Variants in RGP1 observed in about 807,000 individuals in gnomAD.
RGP1 encodes RGP1 partner of RAB6A GEF complex.
Under a neutral mutation model 44.5 loss-of-function variants are expected in RGP1, and 28 were observed. That is an observed-to-expected ratio of 0.63 (90% confidence interval 0.47 to 0.86). RGP1 has a LOEUF of 0.86. Ranked by LOEUF, RGP1 falls within the 40% of genes least tolerant of loss-of-function variation. The pLI, the probability that RGP1 is intolerant of heterozygous loss-of-function variation, is 0.00. For missense variants in RGP1, 417 were observed against 490.7 expected (o/e 0.85, Z 1.42); for synonymous variants, 212 against 196.7 (o/e 1.08, Z -0.65).
the RGP1 span, among the ~76,000 whole-genome samples, chr9:35,784,157 T>G: frequency 6.6e-6 from 1 of 152,232 alleles, no homozygotes; most frequent in Non-Finnish European, 1.5e-5. Flanking sequence ...ATTGAATTGT[T>G]GAGTTCCTTA....
chr9:35,751,381 C>A lies in RGP1; in HGVS notation c.603C>A (p.Arg201=). ...DSWLAELAGE[R]LMAATSCRSL... is the part of the protein sequence containing the mutation. The stretch of plus-strand genomic sequence containing the variant: ...GGCTAGCTGAGCTGGCTGGGGAACG[C>A]CTAATGGCTGCCACATCCTGCCGCA... Residue 201 remains arginine, a synonymous_variant, in exon 6 of 9, where the codon CGC becomes CGA. Coordinates refer to ENST00000378078, the MANE Select transcript of RGP1 (RefSeq NM_001080496.3). 1.2e-6 allele frequency: 2 copies of A among 1,613,958 alleles called. No individual in the cohort carries two copies. The highest frequency in any genetic ancestry group is 1.7e-6 in the Non-Finnish European group (2 of 1,179,878).
chr9:35,788,581 A>AAAAAAAG, the RGP1 span, among the ~76,000 whole-genome samples: 3 of 151,460 alleles, frequency 2.0e-5, no homozygotes, highest in East Asian at 1.9e-4. Flanking sequence ...AAGAAAAAAA[A>AAAAAAAG]AAAAAGAAAA....
Position 35,754,062 on chromosome 9 carries a change from A to C in RGP1, c.*1188A>C. On this transcript the variant is annotated 3_prime_UTR_variant, in exon 9 of 9. Transcript: ENST00000378078. ...GTGCTGGAGGAGTAGAGACATCACC[A>C]AGCAGATGATCCCCCAGCCTCCTAG... 6.2e-7 allele frequency: 1 copy of C among 1,613,780 alleles called. No individual in the cohort carries two copies. Among genetic ancestry groups the C allele is most frequent in the Admixed American group, 1.7e-5 (1 of 59,980 alleles).
chr9:35,753,620 A>G lies in RGP1; in HGVS notation c.*746A>G. 1.3e-6 allele frequency: 2 copies of G among 1,503,898 alleles called. No individual in the cohort carries two copies. The highest frequency in any genetic ancestry group is 1.8e-6 in the Non-Finnish European group (2 of 1,083,592). The allele number at this position is 1,503,898 out of a possible 1,614,324, so 93.2% of individuals were successfully genotyped here. Reference sequence around the variant, plus strand: ...CTCCCTGGTCATCCCTCAGTCACTCATATCAGAGTCATTCTCTCTGGCCAT... The same window carrying G: ...CTCCCTGGTCATCCCTCAGTCACTCGTATCAGAGTCATTCTCTCTGGCCAT... On this transcript the variant is annotated 3_prime_UTR_variant, in exon 9 of 9. Transcript: ENST00000378078. The surrounding 1 kb of genome is among the most constrained non-coding windows in gnomAD (Gnocchi z 4.2).
the RGP1 span, among the ~76,000 whole-genome samples, chr9:35,786,257 A>G: frequency 1.3e-5 from 2 of 152,324 alleles, no homozygotes; most frequent in South Asian, 2.1e-4. Flanking sequence ...CCCTCTTGCC[A>G]CTTGCCTCTT....
downstream of RGP1, among the ~76,000 whole-genome samples, chr9:35,761,666 C>T (rs1827417565): frequency 6.6e-6 from 1 of 151,754 alleles, no homozygotes; most frequent in African/African-American, 2.4e-5. Context: ...AGAGCAAGAC[C>T]CTGTCTCAAA....
At chr9:35,752,271 G>A (rs1412414721) in intron 8 of RGP1, 126 bp downstream of exon 8, 20 of 971,234 alleles carry the variant, frequency 2.1e-5, no homozygotes, top group South Asian at 1.8e-4. Flanking sequence ...CCTCTGACCC[G>A]GAACAGTTTC....
the RGP1 span, among the ~76,000 whole-genome samples, chr9:35,782,528 T>C: frequency 6.5e-3 from 986 of 151,584 alleles, 17 homozygotes; most frequent in African/African-American, 0.022. Context: ...CTCACTGCAA[T>C]CTCCGCCTCC....
chr9:35,768,559 T>C, the RGP1 span, among the ~76,000 whole-genome samples: 1 of 152,126 alleles, frequency 6.6e-6, no homozygotes, highest in East Asian at 1.9e-4. Flanking sequence ...CAGGGGAAGA[T>C]GGTGCAATTT....
intron 7 of RGP1, 88 bp downstream of exon 7, chr9:35,751,842 A>G (rs1249067901): frequency 1.3e-6 from 2 of 1,592,768 alleles, no homozygotes; most frequent in African/African-American, 1.3e-5. Flanking sequence ...GGTGGCATGT[A>G]GAAGGGGATA....
In RGP1 at chr9:35,755,783, C is replaced by G. The variant is rs916527019; in HGVS notation, c.*2909C>G. ...CTTCCTAACAGGCCACAGACTGGTA[C>G]TGGCCTGTGGCCTGGGGGATGGAGA... On this transcript the variant is annotated 3_prime_UTR_variant, in exon 9 of 9. Transcript: ENST00000378078. The G allele has an allele frequency of 6.6e-6, 1 of 152,260 alleles. No homozygotes were observed. Among genetic ancestry groups the G allele is most frequent in the East Asian group, 1.9e-4 (1 of 5,190 alleles). The allele number at this position is 152,260 out of a possible 1,614,324, so 9.4% of individuals were successfully genotyped here.
chr9:35,753,741 A>G lies in RGP1; in HGVS notation c.*867A>G, dbSNP rs1461207843. ...GCGGAGCCAAGACTCACCCAGGGTAAAATATTTCCCCTCATAGTGACAGGG... is the reference window on the plus strand; with the variant it reads ...GCGGAGCCAAGACTCACCCAGGGTAGAATATTTCCCCTCATAGTGACAGGG... On this transcript the variant is annotated 3_prime_UTR_variant, in exon 9 of 9. Coordinates refer to ENST00000378078, the MANE Select transcript of RGP1 (RefSeq NM_001080496.3). This position sits in a 1 kb window ranked among gnomAD's most constrained non-coding sequence, Gnocchi z 4.2. 6.2e-7 allele frequency: 1 copy of G among 1,614,118 alleles called. No homozygotes were observed. The highest frequency in any genetic ancestry group is 1.1e-5 in the South Asian group (1 of 91,076).
chr9:35,784,495 G>T, the RGP1 span, among the ~76,000 whole-genome samples: 1 of 152,160 alleles, frequency 6.6e-6, no homozygotes, highest in Non-Finnish European at 1.5e-5. Flanking sequence ...TGTCGCCCAG[G>T]CTGGAGTGCA....
At chr9:35,751,171 ACCTTTAGCCATCT>A (rs2057982102) in intron 5 of RGP1, 82 bp from the exon 6 acceptor site, 3 of 1,513,514 alleles carry the variant, frequency 2.0e-6, no homozygotes, top group Non-Finnish European at 2.7e-6. Context: ...GGCACCCCTT[ACCTTTAGCCATCT>A]CATGTTAGAA....
chr9:35,769,336 C>T, the RGP1 span, among the ~76,000 whole-genome samples: 1 of 152,252 alleles, frequency 6.6e-6, no homozygotes, highest in Non-Finnish European at 1.5e-5. Context: ...TATCTCTCCT[C>T]ACCCTGAGGA....
chr9:35,776,222 T>C, the RGP1 span, among the ~76,000 whole-genome samples: 1 of 152,166 alleles, frequency 6.6e-6, no homozygotes, highest in Non-Finnish European at 1.5e-5. Flanking sequence ...TGACGACTAC[T>C]CATGTGGAAC....
At chr9:35,768,485 G>A in the RGP1 span, among the ~76,000 whole-genome samples, 4 of 152,278 alleles carry the variant, frequency 2.6e-5, no homozygotes, top group South Asian at 6.2e-4. Context: ...ACTATGAAGG[G>A]TTTCTGTTGC....
At position 35,752,661 on chromosome 9, in the gene RGP1, G is replaced by A. The variant is rs375091454; in HGVS notation, c.963G>A (p.Lys321=). The change falls in exon 9 of 9, where the codon AAG becomes AAA. Residue 321 remains lysine, a synonymous_variant. Transcript: ENST00000378078. ...CTTTTTCTTCCATAGTGTCCTTGAA[G>A]TGGAGATTGCATTTTGAATTTGTAA... The part of the protein sequence containing the change: ...PGFCTAIVSL[K]WRLHFEFVTS... 1.2e-5 allele frequency: 20 copies of A among 1,610,638 alleles called. No individual in the cohort carries two copies. The highest frequency in any genetic ancestry group is 1.7e-5 in the Non-Finnish European group (20 of 1,178,240).
At chr9:35,774,293 C>T in the RGP1 span, among the ~76,000 whole-genome samples, 1 of 152,214 alleles carries the variant, frequency 6.6e-6, no homozygotes, top group Non-Finnish European at 1.5e-5. Context: ...ACTGACTGTG[C>T]TCAGCTCTGG....
Sources: gnomAD v4.1 joint callset for allele counts (sites outside exome capture counted in the v4.1 genomes callset) on GRCh38, gnomAD v4.1.1 for gene constraint, Gnocchi (gnomAD v3.1) non-coding constraint, MANE v1.5 for transcripts, NCBI Gene and HGNC (gene_info 2026-07-23, HGNC 2026-07-21) for gene names.